ALKBH3: variants seen among roughly 807,000 people sequenced by gnomAD.
The protein encoded by ALKBH3 is alpha-ketoglutarate-dependent dioxygenase alkB homolog 3.
In ALKBH3, 51 loss-of-function variants were observed where a neutral mutation model predicts 43.9. The observed-to-expected ratio is 1.16, with a 90% CI of 0.93 to 1.47. ALKBH3 has a LOEUF of 1.47. Ranked by LOEUF, ALKBH3 falls within the 40% of genes most tolerant of loss-of-function variation. The pLI, the probability that ALKBH3 is intolerant of heterozygous loss-of-function variation, is 0.00. For synonymous variants in ALKBH3, 102 were observed against 115.2 expected, an observed-to-expected ratio of 0.89 and a Z score of 0.73; for missense variants, 361 against 351.9, an observed-to-expected ratio of 1.03 and a Z score of -0.21.
At chr11:43,898,366 A>G (rs752025157) in intron 7 of ALKBH3, 7 of 702,642 alleles carry the variant, frequency 1.0e-5, no homozygotes, top group African/African-American at 5.3e-5. Flanking sequence ...GGTAGACTAC[A>G]TTCTTGCTAC....
chr11:43,898,683 C>A, intron 7 of ALKBH3: 2 of 715,904 alleles, frequency 2.8e-6, no homozygotes, highest in South Asian at 1.5e-5. Context: ...GGTGGATCAT[C>A]GAGGTGGTGA....
intron 7 of ALKBH3, chr11:43,897,990 G>A (rs535611085): frequency 2.7e-5 from 22 of 807,002 alleles, no homozygotes; most frequent in Non-Finnish European, 4.3e-5. Context: ...CTTCCATCAC[G>A]CCCTCTTCAG....
At chr11:43,883,007 T>C in intron 2 of ALKBH3, 78 bp from the exon 3 acceptor site, 5 of 1,175,826 alleles carry the variant, frequency 4.3e-6, no homozygotes, top group Non-Finnish European at 4.9e-6. Flanking sequence ...CCAAGTGGGC[T>C]TTATTGGCCC....
intron 8 of ALKBH3, among the ~76,000 whole-genome samples, chr11:43,913,646 C>T (rs1236525349): frequency 6.6e-6 from 1 of 152,152 alleles, no homozygotes; most frequent in Non-Finnish European, 1.5e-5. Context: ...CACTTGTGTC[C>T]TGAGCATCTC....
chr11:43,884,491 A>G (rs1005231472), intron 4 of ALKBH3, among the ~76,000 whole-genome samples: 3 of 152,098 alleles, frequency 2.0e-5, no homozygotes, highest in Non-Finnish European at 4.4e-5. Flanking sequence ...AAATGATAGT[A>G]AACATTCTTC....
At position 43,892,096 on chromosome 11, in the gene ALKBH3, T is replaced by C. The variant is rs1017176346; in HGVS notation, c.426T>C (p.Thr142=). The change falls in exon 7 of 10, where the codon ACT becomes ACC. Residue 142 remains threonine, a synonymous_variant. Coordinates refer to ENST00000302708, the MANE Select transcript of ALKBH3 (RefSeq NM_139178.4). ...CATGGTATGGAGAACTTCCTTACAC[T>C]TATTCAAGAATCACTATGGAACCAA... ...LTAWYGELPY[T]YSRITMEPNP... 1 of 1,613,688 alleles carries C rather than the reference T, an allele frequency of 6.2e-7. No individual in the cohort carries two copies. Among genetic ancestry groups the C allele is most frequent in the Admixed American group, 1.7e-5 (1 of 60,024 alleles).
rs180993390 is a variant in ALKBH3 at position 43,899,484 on chromosome 11, G to C, written c.460-2032G>C. On this transcript the variant is annotated intron_variant, in intron 7 of 9. Transcript: ENST00000302708. ...GGTTCCATGACGAGCCTGGAGTCCA[G>C]CCACAGTGGCTTCTCCCAGTTGAGT... 3,068 of 703,694 alleles carry C rather than the reference G, an allele frequency of 4.4e-3. 31 individuals are homozygous for C. Among genetic ancestry groups the C allele is most frequent in the Non-Finnish European group, 3.0e-3 (1,121 of 377,408 alleles). The allele number at this position is 703,694 out of a possible 1,614,324, so 43.6% of individuals were successfully genotyped here.
intron 8 of ALKBH3, among the ~76,000 whole-genome samples, chr11:43,904,197 C>T (rs141617255): frequency 1.3e-5 from 2 of 152,292 alleles, no homozygotes; most frequent in East Asian, 3.9e-4. Context: ...CTGCCAGTGG[C>T]AAGGGAATCT....
At chr11:43,892,253 G>T in intron 7 of ALKBH3, 124 bp downstream of exon 7, 1 of 763,174 alleles carries the variant, frequency 1.3e-6, no homozygotes, top group Admixed American at 2.9e-5. Flanking sequence ...AAACCTCTCT[G>T]GGTTGAAACA....
chr11:43,918,984 T>C, intron 8 of ALKBH3, 54 bp from the exon 9 acceptor site: 1 of 1,420,938 alleles, frequency 7.0e-7, no homozygotes, highest in South Asian at 1.2e-5. Context: ...TCAGGTTCTG[T>C]TGCATCTTGA....
rs551614412 is a variant in ALKBH3 at position 43,899,338 on chromosome 11, G to T, written c.460-2178G>T. ...TCCTGCAGTGGAAATTCCACAGCATGCCCGTGTGCACCATCAGCAGCCTGC... is the reference window on the plus strand; with the variant it reads ...TCCTGCAGTGGAAATTCCACAGCATTCCCGTGTGCACCATCAGCAGCCTGC... On this transcript the variant is annotated intron_variant, in intron 7 of 9. Transcript: ENST00000302708. The T allele has an allele frequency of 1.1e-3, 798 of 696,950 alleles. 15 individuals are homozygous for T. Among genetic ancestry groups the T allele is most frequent in the South Asian group, 9.4e-3 (658 of 69,794 alleles). 43.2% of individuals were successfully genotyped at this position (696,950 alleles called of 1,614,324 possible).
At chr11:43,919,593 A>G (rs1266168388) in intron 9 of ALKBH3, 4 of 315,938 alleles carry the variant, frequency 1.3e-5, no homozygotes, top group Admixed American at 4.6e-5. Flanking sequence ...TACCATAAGA[A>G]TGGAATCTCA....
chr11:43,889,934 T>G, intron 6 of ALKBH3, 106 bp downstream of exon 6: 1 of 966,200 alleles, frequency 1.0e-6, no homozygotes, highest in South Asian at 1.6e-5. Context: ...AAACAGAAAT[T>G]CAAAACCTGA....
chr11:43,892,756 T>C (rs754069594), intron 7 of ALKBH3, among the ~76,000 whole-genome samples: 24 of 152,248 alleles, frequency 1.6e-4, no homozygotes, highest in Non-Finnish European at 3.4e-4. Context: ...GCAAATAATG[T>C]TATGTTTTAT....
At chr11:43,899,872 G>GAAAAAAAAA (rs10636253) in intron 7 of ALKBH3, among the ~76,000 whole-genome samples, 1 of 121,948 alleles carries the variant, frequency 8.2e-6, no homozygotes, top group Non-Finnish European at 1.7e-5. Flanking sequence ...GTGGTCTCAG[G>GAAAAAAAAA]AAAAAAAAAA....
At chr11:43,898,794 C>G in intron 7 of ALKBH3, 1 of 762,340 alleles carries the variant, frequency 1.3e-6, no homozygotes, top group Non-Finnish European at 2.5e-6. Context: ...TTGATGACAA[C>G]ACCAGAAGGA....
intron 7 of ALKBH3, 41 bp from the exon 8 acceptor site, chr11:43,901,475 A>T (rs1310014920): frequency 6.2e-7 from 1 of 1,605,832 alleles, no homozygotes; most frequent in Non-Finnish European, 8.5e-7. Flanking sequence ...TTTTGTGTGT[A>T]ATGCGACTGT....
chr11:43,914,072 C>T (rs1268842969), intron 8 of ALKBH3, among the ~76,000 whole-genome samples: 1 of 152,194 alleles, frequency 6.6e-6, no homozygotes, highest in Non-Finnish European at 1.5e-5. Flanking sequence ...CCACACCTCT[C>T]ACTTATGCTA....
intron 7 of ALKBH3, among the ~76,000 whole-genome samples, chr11:43,895,694 G>T (rs113353057): frequency 2.6e-5 from 4 of 152,308 alleles, no homozygotes; most frequent in African/African-American, 9.6e-5. Flanking sequence ...TACTAAGTCT[G>T]TATGGTATTT....
Sources: allele counts gnomAD v4.1 joint callset (sites outside exome capture counted in the v4.1 genomes callset), GRCh38; gene constraint gnomAD v4.1.1; transcripts MANE v1.5; gene names NCBI Gene and HGNC (gene_info 2026-07-23, HGNC 2026-07-21).